Variants in SPIDR observed in about 807,000 individuals in gnomAD.
SPIDR encodes DNA repair-scaffolding protein.
Under a neutral mutation model 104.6 loss-of-function variants are expected in SPIDR, and 93 were observed. The ratio of observed to expected loss-of-function variants is 0.89; its 90% CI spans 0.75 to 1.06. SPIDR has a LOEUF of 1.06. Among genes scored for constraint, SPIDR ranks in the 50% least tolerant of loss-of-function variants. The pLI is 0.00. For missense variants in SPIDR, 1,154 were observed against 1,111.2 expected, an observed-to-expected ratio of 1.04 and a Z score of -0.55; for synonymous variants, 431 against 416.9, an observed-to-expected ratio of 1.03 and a Z score of -0.41.
chr8:47,269,982 C>T (rs978044456), intron 1 of SPIDR, among the ~76,000 whole-genome samples: 109 of 151,998 alleles, frequency 7.2e-4, no homozygotes, highest in African/African-American at 2.4e-3. Context: ...ATTACATTAA[C>T]TTTGTATTCC....
chr8:47,292,112 A>T lies in SPIDR; in HGVS notation c.361+975A>T, dbSNP rs1301966000. Among the ~76,000 whole-genome samples the T allele has an allele frequency of 5.3e-5, 8 of 152,324 alleles. No individual in the cohort carries two copies. The South Asian group carries it at 1.7e-3, about 32-fold the overall frequency. ...AATCACCCCTAGTTGATAACCACAGATGTTGAATTATGGAAATCATGTCCT... is the reference window on the plus strand; with the variant it reads ...AATCACCCCTAGTTGATAACCACAGTTGTTGAATTATGGAAATCATGTCCT... On this transcript the variant is annotated intron_variant, in intron 4 of 19. Coordinates refer to ENST00000297423, the MANE Select transcript of SPIDR (RefSeq NM_001080394.4).
chr8:47,416,244 A>G (rs1328868316), intron 7 of SPIDR, among the ~76,000 whole-genome samples: 2 of 152,236 alleles, frequency 1.3e-5, no homozygotes, highest in African/African-American at 4.8e-5. Flanking sequence ...CTCTGTTTCA[A>G]AAAATAAAAT....
chr8:47,350,402 C>T (rs1335072851), intron 5 of SPIDR, among the ~76,000 whole-genome samples: 1 of 152,236 alleles, frequency 6.6e-6, no homozygotes, highest in African/African-American at 2.4e-5. Flanking sequence ...CAACCTCTAC[C>T]TCCTGGGTTC....
chr8:47,600,958 A>G (rs981918314), intron 10 of SPIDR, among the ~76,000 whole-genome samples: 4 of 152,216 alleles, frequency 2.6e-5, no homozygotes, highest in Non-Finnish European at 4.4e-5. Context: ...AATGCACGTT[A>G]TGAAGGCTGT....
intron 8 of SPIDR, among the ~76,000 whole-genome samples, chr8:47,538,052 A>G (rs1416058211): frequency 6.6e-6 from 1 of 151,996 alleles, no homozygotes; most frequent in African/African-American, 2.4e-5. Context: ...ACTCGCGCAT[A>G]TAATCTCAGC....
At chr8:47,527,525 G>A (rs1286440978) in intron 8 of SPIDR, 1 of 152,248 alleles carries the variant, frequency 6.6e-6, no homozygotes, top group Non-Finnish European at 1.5e-5. Flanking sequence ...TAAGAAGGCT[G>A]TAGAGAAACT....
chr8:47,704,587 G>A lies in SPIDR; in HGVS notation c.1977+2572G>A, dbSNP rs538385651. 6.6e-5 allele frequency among the ~76,000 whole-genome samples: 10 copies of A among 152,306 alleles called. No homozygotes were observed. The East Asian group carries it at 9.6e-4, about 15-fold the overall frequency. On this transcript the variant is annotated intron_variant, in intron 14 of 19. Transcript: ENST00000297423. Reference sequence around the variant, plus strand: ...TGAGCTTGTGCAGGTACTTCACCGCGTTGTCTCATGTCCTTGTCTGTCAAA... The same window carrying A: ...TGAGCTTGTGCAGGTACTTCACCGCATTGTCTCATGTCCTTGTCTGTCAAA...
At chr8:47,379,060 C>T (rs766133479) in intron 5 of SPIDR, among the ~76,000 whole-genome samples, 4 of 152,070 alleles carry the variant, frequency 2.6e-5, no homozygotes, top group African/African-American at 4.8e-5. Context: ...TTGGCATCAG[C>T]CAGAAAAGGC....
intron 5 of SPIDR, among the ~76,000 whole-genome samples, chr8:47,309,249 A>C (rs782071243): frequency 6.6e-6 from 1 of 152,256 alleles, no homozygotes; most frequent in Non-Finnish European, 1.5e-5. Context: ...ATTTAATTAT[A>C]GAAACATTGT....
chr8:47,376,185 C>CA (rs2058646019), intron 5 of SPIDR, among the ~76,000 whole-genome samples: 1 of 152,126 alleles, frequency 6.6e-6, no homozygotes, highest in South Asian at 2.1e-4. Flanking sequence ...AATTGAAGAG[C>CA]AAAAAGATTA....
intron 5 of SPIDR, among the ~76,000 whole-genome samples, chr8:47,371,495 T>A (rs950698183): frequency 2.0e-5 from 3 of 152,098 alleles, no homozygotes; most frequent in African/African-American, 7.2e-5. Context: ...GAGGGCCCTT[T>A]TCCAGGTTGC....
intron 8 of SPIDR, among the ~76,000 whole-genome samples, chr8:47,552,841 G>C (rs1436810540): frequency 1.3e-5 from 2 of 152,194 alleles, no homozygotes; most frequent in Non-Finnish European, 2.9e-5. Context: ...AGTTGATGCA[G>C]TTTCTTCCTA....
At position 47,676,777 on chromosome 8, in the gene SPIDR, T is replaced by C. The variant is rs1640270012; in HGVS notation, c.1685+2836T>C. Among the ~76,000 whole-genome samples the C allele has an allele frequency of 2.0e-5, 3 of 152,300 alleles. No homozygotes were observed. The South Asian group carries it at 6.2e-4, about 32-fold the overall frequency. ...GATCCACAGTTCTGGTGATGAAATATCACTCAGCCCTACCCGCTGTTGAAT... is the reference window on the plus strand; with the variant it reads ...GATCCACAGTTCTGGTGATGAAATACCACTCAGCCCTACCCGCTGTTGAAT... On this transcript the variant is annotated intron_variant, in intron 11 of 19. Coordinates refer to ENST00000297423, the MANE Select transcript of SPIDR (RefSeq NM_001080394.4).
At chr8:47,314,507 G>C (rs148916578) in intron 5 of SPIDR, among the ~76,000 whole-genome samples, 1 of 152,142 alleles carries the variant, frequency 6.6e-6, no homozygotes, top group Non-Finnish European at 1.5e-5. Context: ...TGGAGGAAGG[G>C]GAAGCAAACA....
intron 19 of SPIDR, among the ~76,000 whole-genome samples, chr8:47,729,866 G>A (rs150499989): frequency 0.093 from 14,096 of 152,248 alleles, 881 homozygotes; most frequent in Non-Finnish European, 0.14. Context: ...CTACAGGCAT[G>A]AGCCACCACT....
At chr8:47,281,126 A>G (rs2037693776) in intron 2 of SPIDR, among the ~76,000 whole-genome samples, 1 of 152,220 alleles carries the variant, frequency 6.6e-6, no homozygotes. Context: ...CAATAGTATT[A>G]TGTCTAAAAA....
At chr8:47,511,486 G>A in intron 8 of SPIDR, 1 of 777,698 alleles carries the variant, frequency 1.3e-6, no homozygotes, top group Non-Finnish European at 2.4e-6. Context: ...CCACAGCTCT[G>A]CTGGCACCTC....
At chr8:47,585,597 A>G (rs1217248317) in intron 8 of SPIDR, among the ~76,000 whole-genome samples, 3 of 152,128 alleles carry the variant, frequency 2.0e-5, no homozygotes. Flanking sequence ...AAACTGGGTA[A>G]CTTATAAAGA....
Position 47,396,386 on chromosome 8 carries a change from T to C in SPIDR, c.536T>C (p.Ile179Thr). ...TTAATTTTTTTTCAGCCAAGTTCTA[T>C]AGAAATTTTAGAGTATTCATCAGAT... ...KLSELPKPSS[I>T]EILEYSSDSE... Residue 179 changes from isoleucine (I) to threonine (T), a missense_variant, in exon 6 of 20, where the codon ATA (isoleucine) becomes ACA (threonine). Coordinates refer to ENST00000297423, the MANE Select transcript of SPIDR (RefSeq NM_001080394.4). 1 of 1,603,692 alleles carries C rather than the reference T, an allele frequency of 6.2e-7. No homozygotes were observed. Among genetic ancestry groups the C allele is most frequent in the Non-Finnish European group, 8.5e-7 (1 of 1,172,060 alleles).
Sources: gnomAD v4.1 joint callset for allele counts (sites outside exome capture counted in the v4.1 genomes callset) on GRCh38, gnomAD v4.1.1 for gene constraint, MANE v1.5 for transcripts, NCBI Gene and HGNC (gene_info 2026-07-23, HGNC 2026-07-21) for gene names.